Variants in HS6ST3 observed in about 807,000 individuals in gnomAD.
The protein encoded by HS6ST3 is heparan-sulfate 6-O-sulfotransferase 3.
In HS6ST3, 12 loss-of-function variants were observed where a neutral mutation model predicts 36.7. That is an observed-to-expected ratio of 0.33 (90% CI 0.21 to 0.53). The LOEUF (loss-of-function observed/expected upper bound fraction) is 0.53, where lower values mean the gene tolerates loss of function less well. HS6ST3 is among the 20% of genes least tolerant of loss of function. The pLI is 0.95. For missense variants in HS6ST3, 584 were observed against 640.9 expected (o/e 0.91, Z 0.96); for synonymous variants, 240 against 257.5 (o/e 0.93, Z 0.65).
chr13:96,172,667 T>A (rs927502198), intron 1 of HS6ST3, among the ~76,000 whole-genome samples: 2 of 152,174 alleles, frequency 1.3e-5, no homozygotes, highest in Non-Finnish European at 2.9e-5. Context: ...TAGAGTTCAG[T>A]CCACAAGTGG....
At chr13:96,640,389 T>C (rs2139006278) in intron 1 of HS6ST3, among the ~76,000 whole-genome samples, 1 of 152,094 alleles carries the variant, frequency 6.6e-6, no homozygotes, top group Non-Finnish European at 1.5e-5. Context: ...TGCTCATGTC[T>C]TTTGTCCATT....
At chr13:96,320,708 C>G (rs1566323377) in intron 1 of HS6ST3, among the ~76,000 whole-genome samples, 1 of 152,214 alleles carries the variant, frequency 6.6e-6, no homozygotes, top group Non-Finnish European at 1.5e-5. Context: ...CCCAGCATGG[C>G]CCAGCAGCTG....
rs1029998457 is a variant in HS6ST3, at chr13:96,295,005, T to G, written c.707+203436T>G. On this transcript the variant is annotated intron_variant, in intron 1 of 1. Transcript: ENST00000376705. ...AATAGAATTAGTTATGTTAAAGGAG[T>G]CATAGCAAGAAACAAAACCACTGGA... is the stretch of plus-strand genomic sequence containing the variant. Among the ~76,000 whole-genome samples the G allele has an allele frequency of 2.0e-5, 3 of 152,184 alleles. 1 individual carries two copies. Among genetic ancestry groups the G allele is most frequent in the Admixed American group, 2.0e-4 (3 of 15,260 alleles).
intron 1 of HS6ST3, among the ~76,000 whole-genome samples, chr13:96,249,204 T>C (rs2054597117): frequency 6.6e-6 from 1 of 152,152 alleles, no homozygotes; most frequent in Non-Finnish European, 1.5e-5. Context: ...TTTTCTACAT[T>C]TGTGTCCCAG....
intron 1 of HS6ST3, among the ~76,000 whole-genome samples, chr13:96,706,383 T>TTA (rs1437832997): frequency 7.3e-6 from 1 of 137,516 alleles, no homozygotes; most frequent in Admixed American, 7.5e-5. Flanking sequence ...GCAAGAAAAA[T>TTA]TATATATATA....
At chr13:96,802,427 A>T (rs1351942007) in intron 1 of HS6ST3, among the ~76,000 whole-genome samples, 1 of 152,084 alleles carries the variant, frequency 6.6e-6, no homozygotes, top group Non-Finnish European at 1.5e-5. Flanking sequence ...TTTAACAAAA[A>T]CTCACTTTGT....
intron 1 of HS6ST3, among the ~76,000 whole-genome samples, chr13:96,407,301 C>G (rs2055483530): frequency 6.6e-6 from 1 of 152,196 alleles, no homozygotes; most frequent in African/African-American, 2.4e-5. Context: ...TATAGTTCTT[C>G]AGGCAGTACG....
At chr13:96,232,627 T>C (rs2139368295) in intron 1 of HS6ST3, among the ~76,000 whole-genome samples, 1 of 152,098 alleles carries the variant, frequency 6.6e-6, no homozygotes, top group East Asian at 1.9e-4. Flanking sequence ...ACAGTGGTAA[T>C]GAGCAGGAGG....
At position 96,181,949 on chromosome 13, in the gene HS6ST3, T is replaced by A. The variant is rs144753309; in HGVS notation, c.707+90380T>A. 6.6e-3 allele frequency among the ~76,000 whole-genome samples: 1,005 copies of A among 152,352 alleles called. 8 individuals are homozygous for A. Among genetic ancestry groups the A allele is most frequent in the African/African-American group, 0.023 (963 of 41,576 alleles). ...TTTACTTAATAATACCTTAGAGGTT[T>A]AGTAATTTCTGGCTTTAAAAGCCTA... On this transcript the variant is annotated intron_variant, in intron 1 of 1. Transcript: ENST00000376705.
At chr13:96,109,884 G>A (rs2053859687) in intron 1 of HS6ST3, among the ~76,000 whole-genome samples, 1 of 152,178 alleles carries the variant, frequency 6.6e-6, no homozygotes, top group Non-Finnish European at 1.5e-5. Flanking sequence ...TACTGGGCTG[G>A]GCATTGGAAA....
At chr13:96,221,627 A>G (rs2054455881) in intron 1 of HS6ST3, among the ~76,000 whole-genome samples, 1 of 152,208 alleles carries the variant, frequency 6.6e-6, no homozygotes, top group African/African-American at 2.4e-5. Flanking sequence ...GGTCAGATAC[A>G]GTACAGATAT....
intron 1 of HS6ST3, among the ~76,000 whole-genome samples, chr13:96,797,967 C>A (rs1272226037): frequency 6.6e-6 from 1 of 152,058 alleles, no homozygotes; most frequent in African/African-American, 2.4e-5. Flanking sequence ...CAAGCTCCTA[C>A]ACCACACTTC....
intron 1 of HS6ST3, among the ~76,000 whole-genome samples, chr13:96,502,094 A>G (rs748850721): frequency 7.2e-5 from 11 of 152,164 alleles, no homozygotes; most frequent in Non-Finnish European, 1.5e-4. Flanking sequence ...CATAATAACT[A>G]ACAATGTTCT....
At chr13:96,755,605 C>A (rs977808718) in intron 1 of HS6ST3, among the ~76,000 whole-genome samples, 1 of 152,100 alleles carries the variant, frequency 6.6e-6, no homozygotes, top group African/African-American at 2.4e-5. Flanking sequence ...CCTTGTGATC[C>A]ACCTGCTTTG....
chr13:96,336,367 C>T (rs760625810), intron 1 of HS6ST3, among the ~76,000 whole-genome samples: 8 of 152,132 alleles, frequency 5.3e-5, no homozygotes, highest in Non-Finnish European at 8.8e-5. Context: ...TTGTCATGGG[C>T]TGAATTATGT....
chr13:96,356,527 G>A (rs1277534991), intron 1 of HS6ST3, among the ~76,000 whole-genome samples: 2 of 152,042 alleles, frequency 1.3e-5, no homozygotes, highest in African/African-American at 2.4e-5. Context: ...AGAGCTCTTC[G>A]GTGGACTAGG....
rs71213623 is a variant in HS6ST3 at position 96,658,268 on chromosome 13, C to CTTTTTTTTTTTTTTTTTTTTTTTTT, written c.708-174216_708-174192dup. 5.8e-4 allele frequency among the ~76,000 whole-genome samples: 44 copies of CTTTTTTTTTTTTTTTTTTTTTTTTT among 76,164 alleles called. 2 individuals are homozygous for CTTTTTTTTTTTTTTTTTTTTTTTTT. Among genetic ancestry groups the CTTTTTTTTTTTTTTTTTTTTTTTTT allele is most frequent in the African/African-American group, 1.4e-3 (25 of 18,510 alleles). 50.0% of individuals were successfully genotyped at this position (76,164 alleles called of 152,430 possible). On this transcript the variant is annotated intron_variant, in intron 1 of 1. Transcript: ENST00000376705. Reference sequence around the variant, plus strand: ...TTCTTCTTCTTCTTCTCTTCTTCTTCTTTTTTTTTTTTTTTTTTTTTTTTT... The same window carrying CTTTTTTTTTTTTTTTTTTTTTTTTT: ...TTCTTCTTCTTCTTCTCTTCTTCTTCTTTTTTTTTTTTTTTTTTTTTTTTTTTTTTTTTTTTTTTTTTTTTTTTTT...
intron 1 of HS6ST3, among the ~76,000 whole-genome samples, chr13:96,139,541 G>GA (rs57777280): frequency 0.049 from 3,253 of 66,300 alleles, 565 homozygotes; most frequent in African/African-American, 0.074. Flanking sequence ...GTAAGATTCA[G>GA]AAAAAAAAAA....
At chr13:96,163,283 G>A (rs1376860587) in intron 1 of HS6ST3, among the ~76,000 whole-genome samples, 2 of 136,320 alleles carry the variant, frequency 1.5e-5, no homozygotes, top group African/African-American at 5.6e-5. Context: ...AGGCTGGAGT[G>A]CAGTGGTGCC....
Sources: gnomAD v4.1 joint callset for allele counts (sites outside exome capture counted in the v4.1 genomes callset) on GRCh38, gnomAD v4.1.1 for gene constraint, MANE v1.5 for transcripts, NCBI Gene and HGNC (gene_info 2026-07-23, HGNC 2026-07-21) for gene names.